Variants in LIPA observed in about 807,000 individuals in gnomAD.
The protein encoded by LIPA is lipase A, lysosomal acid type, also known as lysosomal acid lipase/cholesteryl ester hydrolase.
In LIPA, 26 loss-of-function variants were observed where a neutral mutation model predicts 40.6. The observed-to-expected ratio is 0.64, with a 90% confidence interval of 0.47 to 0.89. LIPA has a LOEUF of 0.89. LIPA is among the 40% of genes least tolerant of loss of function. The pLI is 0.00. For synonymous variants in LIPA, 188 were observed against 168.4 expected, an observed-to-expected ratio of 1.12 and a Z score of -0.90; for missense variants, 455 against 479.6, an observed-to-expected ratio of 0.95 and a Z score of 0.48.
intron 1 of LIPA, among the ~76,000 whole-genome samples, chr10:89,329,175 G>A (rs569395904): frequency 7.9e-5 from 12 of 152,256 alleles, no homozygotes; most frequent in African/African-American, 1.9e-4. Flanking sequence ...ATTCAGGGGG[G>A]CAGAAAAGGA....
At chr10:89,372,050 A>G (rs571525169) in intron 2 of LIPA, among the ~76,000 whole-genome samples, 1 of 152,338 alleles carries the variant, frequency 6.6e-6, no homozygotes, top group Admixed American at 6.5e-5. Context: ...TATGGGACCT[A>G]CTTGAGGGTA....
intron 8 of LIPA, among the ~76,000 whole-genome samples, chr10:89,220,127 T>C (rs1246620779): frequency 6.6e-6 from 1 of 152,190 alleles, no homozygotes; most frequent in African/African-American, 2.4e-5. Context: ...AGGTCTGTAA[T>C]ATAAAATAGA....
chr10:89,222,564 T>C lies in LIPA; in HGVS notation c.841A>G (p.Thr281Ala). ...GAAGTTCCAGCAGGAGAATGTGTTG[T>C]ATATACATCCACTCTAGACTGCAAA... is the stretch of plus-strand genomic sequence containing the variant. ...NLNMSRVDVY[T>A]THSPAGTSVQ... is the part of the protein sequence containing the mutation. Residue 281 changes from threonine (T) to alanine (A), a missense_variant, in exon 8 of 10, where the codon ACA (threonine) becomes GCA (alanine). Thr to Ala is a moderately conservative substitution (Grantham distance 58). Transcript: ENST00000336233. The C allele has an allele frequency of 6.2e-7, 1 of 1,602,540 alleles. No homozygotes were observed. The highest frequency in any genetic ancestry group is 8.6e-7 in the Non-Finnish European group (1 of 1,169,354).
intron 2 of LIPA, among the ~76,000 whole-genome samples, chr10:89,358,449 CAA>C (rs1417783865): frequency 6.6e-6 from 1 of 152,146 alleles, no homozygotes; most frequent in African/African-American, 2.4e-5. Flanking sequence ...AAATTGACAT[CAA>C]GTTATCAAAG....
rs139930446 is a variant in LIPA at position 89,383,494 on chromosome 10, G to T, written c.61+29297C>A. 13 of 1,614,114 alleles carry T rather than the reference G, an allele frequency of 8.1e-6. No homozygotes were observed. The African/African-American group carries it at 1.7e-4, about 22-fold the overall frequency. ...GGGAATACACAACCTACTAGCCTAT[G>T]TGAAACACCTGAAAGGCCAGAATGA... is the stretch of plus-strand genomic sequence containing the variant. On this transcript the variant is annotated intron_variant, in intron 2 of 8. Transcript: ENST00000371837.
At chr10:89,321,356 T>G (rs1162009564) in intron 1 of LIPA, among the ~76,000 whole-genome samples, 2 of 151,980 alleles carry the variant, frequency 1.3e-5, no homozygotes, top group Non-Finnish European at 2.9e-5. Flanking sequence ...TACAAAAAAC[T>G]TAAACAAATT....
At chr10:89,234,550 G>C (rs1455373657) in intron 3 of LIPA, among the ~76,000 whole-genome samples, 1 of 152,176 alleles carries the variant, frequency 6.6e-6, no homozygotes, top group African/African-American at 2.4e-5. Context: ...CTCTGGCATT[G>C]GGTGAATACA....
rs975659139 is a variant in LIPA, at chr10:89,247,540, C to T, written c.109G>A (p.Val37Met). 3.2e-6 allele frequency: 5 copies of T among 1,586,082 alleles called. No homozygotes were observed. The highest frequency in any genetic ancestry group is 4.3e-6 in the Non-Finnish European group (5 of 1,154,560). ...TAVDPETNMN[V>M]SEIISYWGFP... The stretch of plus-strand genomic sequence containing the variant: ...GTACATAACTTTGAGAAACTTACCA[C>T]ATTCATGTTTGTTTCAGGATCCACA... Residue 37 changes from valine to methionine, a missense_variant and splice_region_variant, in exon 2 of 10, where the codon GTG (valine) becomes ATG (methionine). Coordinates refer to ENST00000336233, the MANE Select transcript of LIPA (RefSeq NM_000235.4).
At chr10:89,343,254 G>T (rs1843887639), upstream of LIPA, among the ~76,000 whole-genome samples, 1 of 152,198 alleles carries the variant, frequency 6.6e-6, no homozygotes. Flanking sequence ...CATGAAGAAT[G>T]GGCAGCTCTG....
In LIPA at chr10:89,354,538, C is replaced by T. The variant is rs554990182; in HGVS notation, c.61+58253G>A. ...TGGAGTTCGTATTCAAGTCGTTCTCCTTCAAAGCTCATAAGTTAGAAGTTT... is the reference window on the plus strand; with the variant it reads ...TGGAGTTCGTATTCAAGTCGTTCTCTTTCAAAGCTCATAAGTTAGAAGTTT... On this transcript the variant is annotated intron_variant, in intron 2 of 8. Coordinates refer to the LIPA transcript ENST00000371837. Among the ~76,000 whole-genome samples, 3 of 152,272 alleles carry T rather than the reference C, an allele frequency of 2.0e-5. No homozygotes were observed. In the East Asian group the frequency reaches 5.8e-4, roughly 29 times the overall value.
intron 1 of LIPA, among the ~76,000 whole-genome samples, chr10:89,277,552 T>C (rs1266671097): frequency 6.6e-6 from 1 of 152,144 alleles, no homozygotes; most frequent in African/African-American, 2.4e-5. Flanking sequence ...AATTAATGAA[T>C]GAATAAAGAT....
At chr10:89,301,987 A>T (rs1487974171) in intron 1 of LIPA, 1 of 790,470 alleles carries the variant, frequency 1.3e-6, no homozygotes, top group Non-Finnish European at 2.0e-6. Context: ...CTGAAGGGAA[A>T]CAAACAAAAA....
intron 1 of LIPA, among the ~76,000 whole-genome samples, chr10:89,337,361 A>C (rs187646403): frequency 7.5e-4 from 114 of 152,330 alleles, no homozygotes; most frequent in Non-Finnish European, 1.3e-3. Context: ...CAGAATGTAC[A>C]AGGAATGAGA....
At chr10:89,249,185 CAGAA>C (rs1843079014) in intron 1 of LIPA, among the ~76,000 whole-genome samples, 2 of 152,134 alleles carry the variant, frequency 1.3e-5, no homozygotes, top group Non-Finnish European at 1.5e-5. Flanking sequence ...TCAAAAGAAA[CAGAA>C]AGGAAAAATT....
chr10:89,228,547 T>G (rs947353563), intron 3 of LIPA, 149 bp from the exon 4 acceptor site: 1 of 750,600 alleles, frequency 1.3e-6, no homozygotes, highest in Non-Finnish European at 2.2e-6. Context: ...TACTCACATA[T>G]AATGTTAGTA....
At chr10:89,310,230 C>G (rs1245046643) in intron 1 of LIPA, among the ~76,000 whole-genome samples, 1 of 152,100 alleles carries the variant, frequency 6.6e-6, no homozygotes, top group Non-Finnish European at 1.5e-5. Flanking sequence ...GAAAAAGATT[C>G]ATCACTTCTG....
rs2133463977 is a variant in LIPA at position 89,245,663 on chromosome 10, A to G, written c.229+13T>C. On this transcript the variant is annotated intron_variant, in intron 3 of 9. Coordinates refer to ENST00000336233, the MANE Select transcript of LIPA (RefSeq NM_000235.4). ...AAGAATTCTGGTTTTTACTTTTAAG[A>G]GCCTTCCCATACCTTTGTCAGAATG... The G allele has an allele frequency of 7.5e-7, 1 of 1,332,026 alleles. No individual in the cohort carries two copies. The highest frequency in any genetic ancestry group is 1.1e-6 in the Non-Finnish European group (1 of 923,166). The allele number at this position is 1,332,026 out of a possible 1,614,324, so 82.5% of individuals were successfully genotyped here. A position where few individuals can be genotyped will look rare whatever the true frequency, so the allele number is the denominator to read the frequency against.
intron 1 of LIPA, among the ~76,000 whole-genome samples, chr10:89,310,365 A>G (rs1236632559): frequency 2.0e-5 from 3 of 152,132 alleles, no homozygotes; most frequent in Non-Finnish European, 2.9e-5. Context: ...GATCCAGTGC[A>G]ACTGGAAGAC....
chr10:89,333,179 T>C (rs1843675877), intron 1 of LIPA, among the ~76,000 whole-genome samples: 1 of 152,184 alleles, frequency 6.6e-6, no homozygotes, highest in African/African-American at 2.4e-5. Flanking sequence ...TCTAGTGACC[T>C]GCTAAGCCTC....
Sources: gnomAD v4.1 joint callset for allele counts (sites outside exome capture counted in the v4.1 genomes callset) on GRCh38, gnomAD v4.1.1 for gene constraint, MANE v1.5 for transcripts, NCBI Gene and HGNC (gene_info 2026-07-23, HGNC 2026-07-21) for gene names.